Variants in RNGTT observed in about 807,000 individuals in gnomAD.
RNGTT encodes RNA guanylyltransferase and 5'-phosphatase.
RNGTT carries 33 observed loss-of-function variants against 79.3 expected under a neutral mutation model. The observed-to-expected ratio is 0.42, with a 90% CI of 0.32 to 0.56. The LOEUF is 0.56. Ranked by LOEUF, RNGTT falls within the 20% of genes least tolerant of loss-of-function variation. RNGTT has a pLI of 0.17. For synonymous variants in RNGTT, 222 were observed against 235.9 expected (o/e 0.94, Z 0.54); for missense variants, 497 against 739.1 (o/e 0.67, Z 3.80).
At position 88,807,090 on chromosome 6, in the gene RNGTT, G is replaced by C. The variant is rs911502655; in HGVS notation, c.1270-5458C>G. 7.2e-5 allele frequency among the ~76,000 whole-genome samples: 11 copies of C among 152,090 alleles called. No individual in the cohort carries two copies. In the South Asian group the frequency reaches 1.0e-3, roughly 14 times the overall value. ...TGAACAACACACACCAGGCACCTGT[G>C]GGGGGCATGGGGAGAGGGAGAGCAT... On this transcript the variant is annotated intron_variant, in intron 11 of 15. Transcript: ENST00000369485.
At chr6:88,654,633 C>G (rs1396858756) in intron 14 of RNGTT, among the ~76,000 whole-genome samples, 2 of 151,792 alleles carry the variant, frequency 1.3e-5, no homozygotes, top group African/African-American at 4.9e-5. Flanking sequence ...ATCTTTTCTT[C>G]CCCTCCAAAG....
intron 13 of RNGTT, among the ~76,000 whole-genome samples, chr6:88,709,853 G>A (rs1313790565): frequency 6.6e-6 from 1 of 152,168 alleles, no homozygotes; most frequent in Non-Finnish European, 1.5e-5. Context: ...CTTTCAGTCA[G>A]CTTGCCATTT....
chr6:88,688,489 T>C (rs929862304), intron 13 of RNGTT, among the ~76,000 whole-genome samples: 6 of 152,102 alleles, frequency 3.9e-5, no homozygotes, highest in Non-Finnish European at 5.9e-5. Flanking sequence ...CTAACTATCA[T>C]TCACCAATAA....
intron 1 of RNGTT, among the ~76,000 whole-genome samples, chr6:88,951,604 A>AG (rs1285890542): frequency 1.3e-5 from 2 of 151,614 alleles, no homozygotes; most frequent in Admixed American, 1.3e-4. Context: ...AAAGTGTGAG[A>AG]GGGGGGATAA....
chr6:88,638,521 T>C (rs1308467549), intron 14 of RNGTT, among the ~76,000 whole-genome samples: 1 of 152,182 alleles, frequency 6.6e-6, no homozygotes, highest in Non-Finnish European at 1.5e-5. Flanking sequence ...ACAGAAGGTA[T>C]CTTTGTTGTG....
intron 2 of RNGTT, among the ~76,000 whole-genome samples, chr6:88,940,629 C>T (rs1030672869): frequency 6.6e-6 from 1 of 152,124 alleles, no homozygotes; most frequent in Non-Finnish European, 1.5e-5. Context: ...AATGGAAAAA[C>T]TACACATTTT....
At chr6:88,767,745 T>C (rs1402745022) in intron 13 of RNGTT, among the ~76,000 whole-genome samples, 3 of 151,480 alleles carry the variant, frequency 2.0e-5, no homozygotes, top group African/African-American at 7.3e-5. Context: ...GCCTCAATTT[T>C]TCTAATAGTG....
intron 11 of RNGTT, among the ~76,000 whole-genome samples, chr6:88,809,983 A>T (rs981533864): frequency 6.6e-6 from 1 of 152,140 alleles, no homozygotes. Context: ...CAGAGGTTGC[A>T]GCTGCAATGA....
intron 13 of RNGTT, among the ~76,000 whole-genome samples, chr6:88,679,021 C>T (rs1367370505): frequency 2.0e-5 from 3 of 152,080 alleles, no homozygotes; most frequent in African/African-American, 7.2e-5. Context: ...ACCACGGAGA[C>T]AGCAAGACTA....
chr6:88,750,671 A>G (rs1038263101), intron 13 of RNGTT, among the ~76,000 whole-genome samples: 3 of 152,100 alleles, frequency 2.0e-5, no homozygotes, highest in Non-Finnish European at 4.4e-5. Flanking sequence ...ATTTACTTCC[A>G]TTAACTCTAG....
chr6:88,841,855 T>G (rs1312395491), intron 11 of RNGTT, among the ~76,000 whole-genome samples: 3 of 152,248 alleles, frequency 2.0e-5, no homozygotes, highest in Non-Finnish European at 4.4e-5. Flanking sequence ...CCAGCTGGCC[T>G]TCTTCTGAAT....
At chr6:88,856,358 TTTTAAA>T (rs909573432) in intron 8 of RNGTT, among the ~76,000 whole-genome samples, 67 of 152,236 alleles carry the variant, frequency 4.4e-4, no homozygotes, top group African/African-American at 1.5e-3. Flanking sequence ...AAGTTGAGAA[TTTTAAA>T]TTTAATGTTT....
intron 8 of RNGTT, among the ~76,000 whole-genome samples, chr6:88,872,767 T>C (rs1306177837): frequency 6.6e-6 from 1 of 152,026 alleles, no homozygotes; most frequent in East Asian, 1.9e-4. Context: ...AAATTTCTGG[T>C]TGACAAGAAA....
intron 14 of RNGTT, among the ~76,000 whole-genome samples, chr6:88,632,552 C>G (rs941951389): frequency 2.7e-5 from 4 of 148,096 alleles, no homozygotes; most frequent in South Asian, 2.1e-4. Flanking sequence ...CAGACACACA[C>G]ACACACACAC....
chr6:88,795,343 T>C (rs926620964), intron 12 of RNGTT, among the ~76,000 whole-genome samples: 8 of 152,102 alleles, frequency 5.3e-5, no homozygotes, highest in Non-Finnish European at 1.2e-4. Context: ...ATCTACAAAC[T>C]CAGTAGCATT....
At chr6:88,625,809 C>G (rs149288073) in intron 14 of RNGTT, among the ~76,000 whole-genome samples, 59 of 152,058 alleles carry the variant, frequency 3.9e-4, no homozygotes, top group Non-Finnish European at 5.2e-4. Flanking sequence ...TCAATCACGT[C>G]ATCCTTGTCA....
chr6:88,767,907 A>C (rs925021069), intron 13 of RNGTT, among the ~76,000 whole-genome samples: 1 of 152,158 alleles, frequency 6.6e-6, no homozygotes, highest in Non-Finnish European at 1.5e-5. Flanking sequence ...AATGTTCAAC[A>C]TATCAATATT....
chr6:88,697,320 G>A (rs141194397), intron 13 of RNGTT, among the ~76,000 whole-genome samples: 4,317 of 152,036 alleles, frequency 0.028, 75 homozygotes, highest in Non-Finnish European at 0.044. Flanking sequence ...GGGAGGCCGC[G>A]GTGGGTGGAT....
At chr6:88,795,823 G>T (rs1484040441) in intron 12 of RNGTT, among the ~76,000 whole-genome samples, 2 of 152,118 alleles carry the variant, frequency 1.3e-5, no homozygotes, top group Non-Finnish European at 2.9e-5. Context: ...CTATGATTTG[G>T]AAGGGGAAGG....
Sources: allele counts gnomAD v4.1 joint callset (sites outside exome capture counted in the v4.1 genomes callset), GRCh38; gene constraint gnomAD v4.1.1; transcripts MANE v1.5; gene names NCBI Gene and HGNC (gene_info 2026-07-23, HGNC 2026-07-21).